The following THSD4 variants were observed in gnomAD, a reference collection of about 807,000 sequenced individuals.
THSD4 encodes thrombospondin type-1 domain-containing protein 4.
THSD4 carries 69 observed loss-of-function variants against 119.0 expected under a neutral mutation model. That is an observed-to-expected ratio of 0.58 (90% confidence interval 0.48 to 0.71). THSD4 has a LOEUF of 0.71. Ranked by LOEUF, THSD4 falls within the 30% of genes least tolerant of loss-of-function variation. The pLI, the probability that THSD4 is intolerant of heterozygous loss-of-function variation, is 0.00. For missense variants in THSD4, 1,393 were observed against 1,391.1 expected (o/e 1.00, Z -0.02); for synonymous variants, 524 against 540.4 (o/e 0.97, Z 0.42).
At chr15:71,598,217 A>G (rs1440917092) in intron 7 of THSD4, among the ~76,000 whole-genome samples, 1 of 152,182 alleles carries the variant, frequency 6.6e-6, no homozygotes, top group Non-Finnish European at 1.5e-5. Context: ...GAAGATGAGC[A>G]AGAAGACCCT....
chr15:71,775,572 G>A (rs995613125), intron 17 of THSD4, among the ~76,000 whole-genome samples: 4 of 151,892 alleles, frequency 2.6e-5, no homozygotes, highest in African/African-American at 9.7e-5. Flanking sequence ...TTAGCCAAGT[G>A]TGGCAGCATG....
At chr15:71,351,897 C>G (rs74497804) in intron 6 of THSD4, among the ~76,000 whole-genome samples, 3,709 of 152,256 alleles carry the variant, frequency 0.024, 151 homozygotes, top group African/African-American at 0.085. Flanking sequence ...TGTGTTTACC[C>G]TTCTCTGCAT....
At chr15:71,114,959 C>G (rs1415742619), upstream of THSD4, 2 of 152,316 alleles carry the variant, frequency 1.3e-5, no homozygotes, top group African/African-American at 4.8e-5. Context: ...AGGGCTCCTT[C>G]CTGCCCTTAG....
intron 8 of THSD4, among the ~76,000 whole-genome samples, chr15:71,678,901 C>A (rs1036175698): frequency 1.3e-5 from 2 of 152,074 alleles, no homozygotes; most frequent in Non-Finnish European, 2.9e-5. Context: ...TATAGTCACG[C>A]CTATATTTGT....
intron 8 of THSD4, among the ~76,000 whole-genome samples, chr15:71,674,746 T>A (rs551239020): frequency 2.0e-5 from 3 of 152,238 alleles, no homozygotes; most frequent in Admixed American, 2.0e-4. Flanking sequence ...GCATTTCGAT[T>A]GTTACAGTGA....
chr15:71,612,796 C>T (rs1411966332), intron 7 of THSD4, among the ~76,000 whole-genome samples: 1 of 152,186 alleles, frequency 6.6e-6, no homozygotes, highest in African/African-American at 2.4e-5. Flanking sequence ...CAGGGTACTC[C>T]AAAAAGCTTA....
intron 6 of THSD4, among the ~76,000 whole-genome samples, chr15:71,257,839 G>T (rs930654965): frequency 6.6e-6 from 1 of 152,004 alleles, no homozygotes; most frequent in African/African-American, 2.4e-5. Flanking sequence ...GAACTAACTT[G>T]ACTGAAAAAT....
At chr15:71,545,367 T>A (rs1322598095) in intron 7 of THSD4, among the ~76,000 whole-genome samples, 1 of 152,194 alleles carries the variant, frequency 6.6e-6, no homozygotes, top group Admixed American at 6.5e-5. Context: ...GCTGGCAAAC[T>A]ACTGTCAAAT....
intron 7 of THSD4, among the ~76,000 whole-genome samples, chr15:71,497,541 G>A (rs1331508206): frequency 6.6e-6 from 1 of 151,656 alleles, no homozygotes; most frequent in Non-Finnish European, 1.5e-5. Context: ...ATATATGTGA[G>A]TGAAATAATA....
chr15:71,333,757 C>G (rs1244340452), intron 6 of THSD4, among the ~76,000 whole-genome samples: 1 of 152,202 alleles, frequency 6.6e-6, no homozygotes, highest in Non-Finnish European at 1.5e-5. Flanking sequence ...GCAGCGTCTG[C>G]ATCAAACACC....
rs1019116563 is a variant in THSD4, at chr15:71,130,329, G to A, written c.-79-11120G>A. 6.6e-5 allele frequency among the ~76,000 whole-genome samples: 10 copies of A among 152,062 alleles called. No homozygotes were observed. In the East Asian group the frequency reaches 7.7e-4, roughly 12 times the overall value. ...GCCTCCTGAGTAGCTAAGACTACAG[G>A]CATGTGCCACCACACCCAGCTATTT... On this transcript the variant is annotated intron_variant, in intron 1 of 17. Transcript: ENST00000261862.
intron 7 of THSD4, among the ~76,000 whole-genome samples, chr15:71,567,537 C>T (rs28517754): frequency 0.32 from 48,414 of 151,622 alleles, 8,395 homozygotes; most frequent in East Asian, 0.68. Flanking sequence ...AGTTGAGTAC[C>T]GCTATAGGAG....
intron 6 of THSD4, among the ~76,000 whole-genome samples, chr15:71,299,868 G>A (rs1410603719): frequency 6.6e-6 from 1 of 150,680 alleles, no homozygotes; most frequent in African/African-American, 2.4e-5. Flanking sequence ...GCTCACACTT[G>A]TAATCCCAGC....
At chr15:71,371,073 CTG>C (rs1051396443) in intron 6 of THSD4, among the ~76,000 whole-genome samples, 4 of 152,088 alleles carry the variant, frequency 2.6e-5, no homozygotes, top group African/African-American at 9.7e-5. Context: ...GGTTTAAAGT[CTG>C]TTTTATCAGA....
At chr15:71,660,805 A>G in intron 8 of THSD4, 71 bp downstream of exon 8, 5 of 1,562,104 alleles carry the variant, frequency 3.2e-6, no homozygotes, top group Non-Finnish European at 4.4e-6. Context: ...GAACTGTGAG[A>G]TAGACACAGC....
chr15:71,352,261 C>T (rs1204254632), intron 6 of THSD4, among the ~76,000 whole-genome samples: 5 of 152,184 alleles, frequency 3.3e-5, no homozygotes, highest in Admixed American at 1.3e-4. Context: ...GTCACTATTA[C>T]GTGCAGCCCT....
At chr15:71,641,771 T>C (rs369842658) in intron 7 of THSD4, among the ~76,000 whole-genome samples, 200 of 152,250 alleles carry the variant, frequency 1.3e-3, no homozygotes, top group African/African-American at 4.7e-3. Flanking sequence ...TTTAAGCCAC[T>C]GTTTTCACAA....
chr15:71,660,494 C>T (rs2051279850), intron 7 of THSD4, 36 bp from the exon 8 acceptor site: 2 of 1,612,458 alleles, frequency 1.2e-6, no homozygotes, highest in South Asian at 1.1e-5. Flanking sequence ...GCTCCTGATA[C>T]ATACTATGAG....
chr15:71,675,532 T>C (rs1275414337), intron 8 of THSD4, among the ~76,000 whole-genome samples: 1 of 152,166 alleles, frequency 6.6e-6, no homozygotes, highest in Non-Finnish European at 1.5e-5. Context: ...CTGAGGCCCA[T>C]GCATGGTGTG....
Sources: gnomAD v4.1 joint callset for allele counts (sites outside exome capture counted in the v4.1 genomes callset) on GRCh38, gnomAD v4.1.1 for gene constraint, MANE v1.5 for transcripts, NCBI Gene and HGNC (gene_info 2026-07-23, HGNC 2026-07-21) for gene names.